The following ADAMTS6 variants were observed in gnomAD, a reference collection of about 807,000 sequenced individuals.
ADAMTS6 encodes A disintegrin and metalloproteinase with thrombospondin motifs 6.
A neutral mutation model predicts 144.3 loss-of-function variants in ADAMTS6; 23 were observed. That is an observed-to-expected ratio of 0.16 (90% CI 0.11 to 0.23). ADAMTS6 has a LOEUF of 0.23. Among genes scored for constraint, ADAMTS6 ranks in the 10% least tolerant of loss-of-function variants. ADAMTS6 has a pLI of 1.00. For missense variants in ADAMTS6, 999 were observed against 1,379.6 expected, an observed-to-expected ratio of 0.72 and a Z score of 4.37; for synonymous variants, 444 against 457.5, an observed-to-expected ratio of 0.97 and a Z score of 0.38.
intron 7 of ADAMTS6, among the ~76,000 whole-genome samples, chr5:65,389,047 C>CA (rs1408094595): frequency 4.6e-5 from 7 of 151,732 alleles, no homozygotes; most frequent in Non-Finnish European, 8.8e-5. Context: ...ACTGAAAATA[C>CA]AAAAAAATTA....
chr5:65,205,102 T>C (rs1232460650), intron 20 of ADAMTS6, among the ~76,000 whole-genome samples: 1 of 152,008 alleles, frequency 6.6e-6, no homozygotes, highest in Admixed American at 6.5e-5. Context: ...TTCAATCAAG[T>C]CTATTTTGAA....
At chr5:65,472,891 C>A (rs906606953) in intron 2 of ADAMTS6, among the ~76,000 whole-genome samples, 2 of 152,036 alleles carry the variant, frequency 1.3e-5, no homozygotes, top group Non-Finnish European at 2.9e-5. Flanking sequence ...TCTGGTTCAT[C>A]GGCACCAAAA....
intron 10 of ADAMTS6, among the ~76,000 whole-genome samples, chr5:65,293,093 T>C (rs1477917627): frequency 6.6e-6 from 1 of 152,018 alleles, no homozygotes; most frequent in Non-Finnish European, 1.5e-5. Flanking sequence ...AAATTATATA[T>C]TAAGGTTAAT....
intron 7 of ADAMTS6, among the ~76,000 whole-genome samples, chr5:65,396,181 ACT>A (rs1753317775): frequency 6.6e-6 from 1 of 152,194 alleles, no homozygotes. Context: ...GCAAACTAGA[ACT>A]CTAAATACAT....
intron 24 of ADAMTS6, among the ~76,000 whole-genome samples, chr5:65,164,413 C>A (rs1213916776): frequency 1.3e-4 from 19 of 150,824 alleles, no homozygotes; most frequent in Non-Finnish European, 2.5e-4. Flanking sequence ...GCTAGCACAG[C>A]AGTCTGAGAT....
chr5:65,363,235 T>C (rs1232627502), intron 7 of ADAMTS6, among the ~76,000 whole-genome samples: 2 of 152,190 alleles, frequency 1.3e-5, no homozygotes, highest in African/African-American at 4.8e-5. Context: ...GAAAATACTA[T>C]AGTATGTTAC....
At position 65,452,629 on chromosome 5, in the gene ADAMTS6, T is replaced by A. The variant is rs895639339; in HGVS notation, c.843+78A>T. On this transcript the variant is annotated intron_variant, in intron 5 of 24. Transcript: ENST00000381055. ...AGGTAAATTCTTATCATTATTTACT[T>A]CACAGCAAAAATTTATGACCTTAGT... 4 of 1,495,920 alleles carry A rather than the reference T, an allele frequency of 2.7e-6. No homozygotes were observed. The East Asian group carries it at 7.1e-5, about 27-fold the overall frequency. 92.7% of individuals were successfully genotyped at this position (1,495,920 alleles called of 1,614,324 possible).
intron 9 of ADAMTS6, among the ~76,000 whole-genome samples, chr5:65,302,337 T>C (rs1743514415): frequency 6.9e-6 from 1 of 145,608 alleles, no homozygotes; most frequent in Admixed American, 7.0e-5. Context: ...ATATATTATA[T>C]ACATATAATA....
chr5:65,225,037 C>T lies in ADAMTS6; in HGVS notation c.2078G>A (p.Cys693Tyr), dbSNP rs1186899811. The T allele has an allele frequency of 6.2e-7, 1 of 1,613,798 alleles. No individual in the cohort carries two copies. The highest frequency in any genetic ancestry group is 8.5e-7 in the Non-Finnish European group (1 of 1,179,920). ...AGCATCAGATCCCAAAATATTATCA[C>T]AGCCTACGTGCTGAAAACAGAGAGG... Reference protein sequence around the residue: ...CINGECKHVGCDNILGSDARE... With the variant: ...CINGECKHVGYDNILGSDARE... The change falls in exon 17 of 25, where the codon TGT becomes TAT. Residue 693 changes from cysteine (C) to tyrosine (Y), a missense_variant. Physicochemically the swap from Cys to Tyr is radical, Grantham distance 194. Around this residue, in one of 3 missense-constraint regions of ADAMTS6, gnomAD observed 619 missense variants for 837.0 expected, o/e 0.74. Transcript: ENST00000381055.
chr5:65,368,470 T>A (rs1401009874), intron 7 of ADAMTS6, among the ~76,000 whole-genome samples: 1 of 152,172 alleles, frequency 6.6e-6, no homozygotes, highest in Non-Finnish European at 1.5e-5. Flanking sequence ...TTAACTGAAA[T>A]ACTCTCAGGG....
At chr5:65,391,280 T>C (rs929932567) in intron 7 of ADAMTS6, among the ~76,000 whole-genome samples, 2 of 152,148 alleles carry the variant, frequency 1.3e-5, no homozygotes, top group African/African-American at 2.4e-5. Flanking sequence ...AAAAAACTTA[T>C]TGAAAATAAT....
chr5:65,409,329 T>A (rs1754853337), intron 7 of ADAMTS6, among the ~76,000 whole-genome samples: 1 of 127,754 alleles, frequency 7.8e-6, no homozygotes, highest in Admixed American at 7.7e-5. Context: ...TCACCACTGA[T>A]CCCACAGAAA....
intron 7 of ADAMTS6, among the ~76,000 whole-genome samples, chr5:65,375,265 C>A (rs531706392): frequency 3.9e-5 from 6 of 152,080 alleles, no homozygotes; most frequent in Non-Finnish European, 7.4e-5. Flanking sequence ...CAAATGGGAT[C>A]TAATTAAACT....
intron 7 of ADAMTS6, among the ~76,000 whole-genome samples, chr5:65,417,323 C>T (rs1234069782): frequency 6.6e-6 from 1 of 152,172 alleles, no homozygotes; most frequent in Non-Finnish European, 1.5e-5. Flanking sequence ...TGGAATAAGA[C>T]AAGGATGACC....
intron 7 of ADAMTS6, among the ~76,000 whole-genome samples, chr5:65,363,756 A>C (rs543272424): frequency 1.4e-4 from 21 of 152,290 alleles, no homozygotes; most frequent in Admixed American, 8.5e-4. Context: ...ACTTTTAAAT[A>C]ATCTTTAGGG....
intron 20 of ADAMTS6, among the ~76,000 whole-genome samples, chr5:65,212,450 C>T (rs1263024183): frequency 6.8e-6 from 1 of 147,440 alleles, no homozygotes; most frequent in Non-Finnish European, 1.5e-5. Flanking sequence ...TTTTTTTACC[C>T]CCTACCACAA....
intron 7 of ADAMTS6, among the ~76,000 whole-genome samples, chr5:65,403,650 A>C (rs1754142209): frequency 6.6e-6 from 1 of 152,188 alleles, no homozygotes; most frequent in African/African-American, 2.4e-5. Flanking sequence ...ATTTAGAATG[A>C]GACAACTAGT....
At chr5:65,325,239 T>C (rs1746047016) in intron 9 of ADAMTS6, among the ~76,000 whole-genome samples, 1 of 152,178 alleles carries the variant, frequency 6.6e-6, no homozygotes, top group Non-Finnish European at 1.5e-5. Flanking sequence ...TTATACACCT[T>C]TGCCAACGCT....
At chr5:65,404,959 G>C (rs552033063) in intron 7 of ADAMTS6, among the ~76,000 whole-genome samples, 1 of 152,280 alleles carries the variant, frequency 6.6e-6, no homozygotes, top group South Asian at 2.1e-4. Context: ...AGAAGTGTCT[G>C]TTCATATCCT....
Sources: gnomAD v4.1 joint callset for allele counts (sites outside exome capture counted in the v4.1 genomes callset) on GRCh38, gnomAD v4.1.1 for gene constraint, gnomAD v4.1.1 regional missense constraint, MANE v1.5 for transcripts, NCBI Gene and HGNC (gene_info 2026-07-23, HGNC 2026-07-21) for gene names.